TTC29: variants seen among roughly 807,000 people sequenced by gnomAD.
TTC29 encodes the protein tetratricopeptide repeat domain 29, also known as tetratricopeptide repeat protein 29.
Under a neutral mutation model 58.1 loss-of-function variants are expected in TTC29, and 49 were observed. The ratio of observed to expected loss-of-function variants is 0.84; its 90% confidence interval spans 0.67 to 1.07. TTC29 has a LOEUF of 1.07. TTC29 is among the 50% of genes least tolerant of loss of function. The probability of loss-of-function intolerance (pLI) is 0.00; values close to 1 mark genes in which losing one functional copy is unlikely to be tolerated. For missense variants in TTC29, 582 were observed against 555.6 expected (o/e 1.05, Z -0.48); for synonymous variants, 209 against 196.8 (o/e 1.06, Z -0.52).
At chr4:146,726,130 C>T (rs1318805740) in intron 11 of TTC29, among the ~76,000 whole-genome samples, 1 of 152,098 alleles carries the variant, frequency 6.6e-6, no homozygotes, top group Non-Finnish European at 1.5e-5. Flanking sequence ...CTGCCTTGGC[C>T]TCCCAAAATG....
intron 10 of TTC29, among the ~76,000 whole-genome samples, chr4:146,819,125 TA>T (rs1751640911): frequency 6.7e-6 from 1 of 149,990 alleles, no homozygotes; most frequent in African/African-American, 2.4e-5. Context: ...AATAAATAAA[TA>T]AATAAATAAT....
At chr4:146,771,530 C>G (rs368527383) in intron 11 of TTC29, among the ~76,000 whole-genome samples, 2 of 151,960 alleles carry the variant, frequency 1.3e-5, no homozygotes, top group African/African-American at 4.8e-5. Context: ...CTGTTTCTGT[C>G]TTAGTTCACT....
intron 8 of TTC29, among the ~76,000 whole-genome samples, chr4:146,843,419 C>T (rs17022013): frequency 0.21 from 31,580 of 152,052 alleles, 3,934 homozygotes; most frequent in East Asian, 0.31. Flanking sequence ...CATTTGAGTA[C>T]GTACACTTTC....
At chr4:146,738,353 A>G (rs1298120458) in intron 11 of TTC29, among the ~76,000 whole-genome samples, 3 of 152,200 alleles carry the variant, frequency 2.0e-5, no homozygotes, top group African/African-American at 7.2e-5. Context: ...CAGTTATCCC[A>G]GGTATCTGAA....
At chr4:146,871,552 T>G (rs1190914296) in intron 7 of TTC29, among the ~76,000 whole-genome samples, 4 of 151,886 alleles carry the variant, frequency 2.6e-5, no homozygotes, top group Non-Finnish European at 5.9e-5. Flanking sequence ...AATAAATGAG[T>G]TTAACAAGGT....
intron 11 of TTC29, among the ~76,000 whole-genome samples, chr4:146,741,533 A>G (rs1289298781): frequency 6.7e-6 from 1 of 149,304 alleles, no homozygotes; most frequent in Non-Finnish European, 1.5e-5. Context: ...TCTCCAATCC[A>G]TCGAACATTG....
intron 8 of TTC29, among the ~76,000 whole-genome samples, chr4:146,853,662 A>T (rs1561190043): frequency 6.6e-6 from 1 of 152,178 alleles, no homozygotes; most frequent in Non-Finnish European, 1.5e-5. Context: ...TATTTCCCTT[A>T]GGTAAATTCC....
intron 8 of TTC29, among the ~76,000 whole-genome samples, chr4:146,839,926 T>A (rs1280178022): frequency 6.6e-6 from 1 of 152,014 alleles, no homozygotes; most frequent in African/African-American, 2.4e-5. Context: ...TGTGAATGAC[T>A]CAAACGTCAT....
At chr4:146,733,018 G>A (rs1744454766) in intron 11 of TTC29, among the ~76,000 whole-genome samples, 1 of 152,126 alleles carries the variant, frequency 6.6e-6, no homozygotes, top group Non-Finnish European at 1.5e-5. Context: ...GCAGCCAAAG[G>A]AATAGTGGGA....
intron 8 of TTC29, among the ~76,000 whole-genome samples, chr4:146,850,386 C>T (rs1729443378): frequency 6.6e-6 from 1 of 152,192 alleles, no homozygotes; most frequent in South Asian, 2.1e-4. Flanking sequence ...CTCATCCAGC[C>T]CTCTCTTCCA....
intron 6 of TTC29, among the ~76,000 whole-genome samples, chr4:146,880,327 AT>A (rs1731541883): frequency 6.6e-6 from 1 of 152,116 alleles, no homozygotes; most frequent in African/African-American, 2.4e-5. Flanking sequence ...TTTGGCATGC[AT>A]TTATAGTTTT....
intron 8 of TTC29, among the ~76,000 whole-genome samples, chr4:146,851,533 C>A (rs1006930238): frequency 6.6e-6 from 1 of 152,180 alleles, no homozygotes; most frequent in Non-Finnish European, 1.5e-5. Context: ...AACTGAAAAT[C>A]TAGCAATCAG....
rs555164426 is a variant in TTC29 at position 146,767,515 on chromosome 4, C to T, written c.1330+35942G>A. ...ACAAAATGCCTTAATTTAGTGGAAG[C>T]GCACATTTCTTCTAAATGATAATAA... On this transcript the variant is annotated intron_variant, in intron 11 of 12. Transcript: ENST00000325106. 7.3e-4 allele frequency among the ~76,000 whole-genome samples: 111 copies of T among 152,042 alleles called. 2 individuals carry two copies. Among genetic ancestry groups the T allele is most frequent in the Non-Finnish European group, 1.4e-3 (94 of 67,942 alleles).
At chr4:146,923,276 A>C (rs1412661572) in intron 4 of TTC29, among the ~76,000 whole-genome samples, 1 of 151,822 alleles carries the variant, frequency 6.6e-6, no homozygotes, top group Non-Finnish European at 1.5e-5. Flanking sequence ...TAGCATAAGA[A>C]AATTAAAATC....
intron 8 of TTC29, among the ~76,000 whole-genome samples, chr4:146,841,469 A>G (rs1485393176): frequency 6.6e-6 from 1 of 152,146 alleles, no homozygotes; most frequent in African/African-American, 2.4e-5. Context: ...AACAAGCAAA[A>G]AAAACACCAT....
intron 6 of TTC29, 140 bp from the exon 7 acceptor site, chr4:146,875,068 T>G: frequency 1.5e-6 from 1 of 677,244 alleles, no homozygotes; most frequent in Non-Finnish European, 2.5e-6. Flanking sequence ...GAAGATGAAT[T>G]AAACTGGGAA....
intron 8 of TTC29, among the ~76,000 whole-genome samples, chr4:146,865,632 T>C (rs1369092062): frequency 2.0e-5 from 3 of 152,136 alleles, no homozygotes; most frequent in African/African-American, 7.2e-5. Flanking sequence ...ATAACAAATC[T>C]GCACATGTAC....
chr4:146,729,284 CAT>C (rs997109506), intron 11 of TTC29, among the ~76,000 whole-genome samples: 13 of 152,128 alleles, frequency 8.5e-5, no homozygotes, highest in Non-Finnish European at 1.3e-4. Flanking sequence ...TTTCTCCTAA[CAT>C]GAGTAAAGTT....
chr4:146,803,505 G>A lies in TTC29; in HGVS notation c.1282C>T (p.Leu428=), dbSNP rs1003646864. The change falls in exon 11 of 13, where the codon CTG becomes TTG. Residue 428 remains leucine, a synonymous_variant. Coordinates refer to ENST00000325106, the MANE Select transcript of TTC29 (RefSeq NM_031956.4). ...TTACCTCTGCTCTCCTTCCATGACA[G>A]CAGGTAGTTGAGGCTGGTGAGATCT... The part of the protein sequence containing the change: ...SADLTSLNYL[L]SWKESRGNIE... The A allele has an allele frequency of 1.3e-6, 2 of 1,599,576 alleles. No homozygotes were observed. Among genetic ancestry groups the A allele is most frequent in the Non-Finnish European group, 1.7e-6 (2 of 1,171,962 alleles).
Sources: allele counts gnomAD v4.1 joint callset (sites outside exome capture counted in the v4.1 genomes callset), GRCh38; gene constraint gnomAD v4.1.1; transcripts MANE v1.5; gene names NCBI Gene and HGNC (gene_info 2026-07-23, HGNC 2026-07-21).